Variants in AADACL2 observed in about 807,000 individuals in gnomAD.
The protein encoded by AADACL2 is arylacetamide deacetylase like 2, also known as arylacetamide deacetylase-like 2.
AADACL2 carries 23 observed loss-of-function variants against 22.3 expected under a neutral mutation model. The ratio of observed to expected loss-of-function variants is 1.03; its 90% confidence interval spans 0.74 to 1.46. AADACL2 has a LOEUF of 1.46. Ranked by LOEUF, AADACL2 falls within the 40% of genes most tolerant of loss-of-function variation. AADACL2 has a pLI of 0.00. For missense variants in AADACL2, 472 were observed against 482.9 expected (o/e 0.98, Z 0.21); for synonymous variants, 177 against 166.2 (o/e 1.07, Z -0.50).
chr3:151,738,984 A>T (rs553743152), intron 1 of AADACL2, among the ~76,000 whole-genome samples: 1 of 152,272 alleles, frequency 6.6e-6, no homozygotes, highest in South Asian at 2.1e-4. Context: ...CCATCTTCTG[A>T]GTCCTACTTC....
intron 4 of AADACL2, among the ~76,000 whole-genome samples, chr3:151,754,172 C>T (rs1429750668): frequency 6.6e-6 from 1 of 152,094 alleles, no homozygotes; most frequent in African/African-American, 2.4e-5. Flanking sequence ...CCAATTCATG[C>T]TGTCCAGGAG....
chr3:151,751,404 A>G (rs1382039507), intron 4 of AADACL2: 1 of 152,198 alleles, frequency 6.6e-6, no homozygotes, highest in East Asian at 1.9e-4. Context: ...TGTAGCAAGC[A>G]TAACTGAAAC....
chr3:151,740,529 G>A lies in AADACL2; in HGVS notation c.139-117G>A, dbSNP rs971667071. On this transcript the variant is annotated intron_variant, in intron 1 of 4. Coordinates refer to ENST00000356517, the MANE Select transcript of AADACL2 (RefSeq NM_207365.4). ...TATTTGGAAATAATATTTTTAAATAGTCTATTTCTTTTTGTTTACCTTGCT... is the reference window on the plus strand; with the variant it reads ...TATTTGGAAATAATATTTTTAAATAATCTATTTCTTTTTGTTTACCTTGCT... 1.1e-5 allele frequency: 7 copies of A among 658,946 alleles called. No individual in the cohort carries two copies. The African/African-American group carries it at 1.3e-4, about 12-fold the overall frequency. 40.8% of individuals were successfully genotyped at this position (658,946 alleles called of 1,614,324 possible).
Position 151,734,041 on chromosome 3 carries a change from GC to G in AADACL2, c.7del (p.Leu3Ter). 1 of 1,608,994 alleles carries G rather than the reference GC, an allele frequency of 6.2e-7. No individual in the cohort carries two copies. Among genetic ancestry groups the G allele is most frequent in the Non-Finnish European group, 8.5e-7 (1 of 1,177,206 alleles). MG[L>X]KALCLGLLCV... ...AAGCTGGAAAAAGGGATATTATGGG[GC>G]TAAAAGCTCTCTGTTTGGGGCTGCT... On this transcript the variant is annotated frameshift_variant, in exon 1 of 5. Transcript: ENST00000356517. LOFTEE classifies it high-confidence loss of function.
intron 4 of AADACL2, among the ~76,000 whole-genome samples, chr3:151,747,322 T>C (rs534716688): frequency 6.6e-6 from 1 of 152,100 alleles, no homozygotes; most frequent in African/African-American, 2.4e-5. Context: ...GCACTTAATA[T>C]TAGATCTCCA....
At position 151,757,748 on chromosome 3, in the gene AADACL2, T is replaced by A; in HGVS notation, c.*154T>A. ...TGTGTCCTTGAAGAGTTATTAAATTTTCTGACTTGCAGACCCTGAATATGT... is the reference window on the plus strand; with the variant it reads ...TGTGTCCTTGAAGAGTTATTAAATTATCTGACTTGCAGACCCTGAATATGT... On this transcript the variant is annotated 3_prime_UTR_variant, in exon 5 of 5. Transcript: ENST00000356517. The A allele has an allele frequency of 1.1e-6, 1 of 929,402 alleles. No individual in the cohort carries two copies. The highest frequency in any genetic ancestry group is 1.5e-6 in the Non-Finnish European group (1 of 652,942). The allele number at this position is 929,402 out of a possible 1,614,324, so 57.6% of individuals were successfully genotyped here.
In AADACL2 at chr3:151,757,289, A is replaced by T; in HGVS notation, c.901A>T (p.Ile301Phe). Residue 301 changes from isoleucine to phenylalanine, a missense_variant, in exon 5 of 5, where the codon ATT becomes TTT. Ile to Phe is a conservative substitution (Grantham distance 21). Around this residue, in one of 3 missense-constraint regions of AADACL2, gnomAD observed 356 missense variants for 365.5 expected, o/e 0.97. Transcript: ENST00000356517. The part of the protein sequence containing the change: ...YRKDYVYTEP[I>F]LGGLSYSLPG... ...AAAAGACTATGTATATACTGAACCA[A>T]TTCTTGGAGGACTTAGTTATTCATT... 2 of 1,613,770 alleles carry T rather than the reference A, an allele frequency of 1.2e-6. No homozygotes were observed.
At chr3:151,735,592 T>C (rs1713061341) in intron 1 of AADACL2, among the ~76,000 whole-genome samples, 1 of 152,198 alleles carries the variant, frequency 6.6e-6, no homozygotes, top group Non-Finnish European at 1.5e-5. Context: ...ACCCCATCTC[T>C]ACTAAAAATA....
chr3:151,740,982 CTGGATA>C lies in AADACL2; in HGVS notation c.361+121_361+126del, dbSNP rs559930434. ...TACATACATCTATATATATACTTGT[CTGGATA>C]TGGATAAGTATAGATATAAATATGA... On this transcript the variant is annotated intron_variant, in intron 2 of 4. Coordinates refer to ENST00000356517, the MANE Select transcript of AADACL2 (RefSeq NM_207365.4). 86 of 816,294 alleles carry C rather than the reference CTGGATA, an allele frequency of 1.1e-4. 1 individual carries two copies. In the East Asian group the frequency reaches 1.6e-3, roughly 15 times the overall value. The allele number at this position is 816,294 out of a possible 1,614,324, so 50.6% of individuals were successfully genotyped here. A position where few individuals can be genotyped will look rare whatever the true frequency, so the allele number is the denominator to read the frequency against.
intron 2 of AADACL2, among the ~76,000 whole-genome samples, chr3:151,741,322 T>C (rs1485676524): frequency 6.6e-6 from 1 of 152,142 alleles, no homozygotes; most frequent in African/African-American, 2.4e-5. Flanking sequence ...AATGCAGTTG[T>C]TAGTATTGAC....
chr3:151,740,503 T>C, intron 1 of AADACL2, 143 bp from the exon 2 acceptor site: 1 of 608,546 alleles, frequency 1.6e-6, no homozygotes, highest in Non-Finnish European at 2.7e-6. Flanking sequence ...CTTTACAGTA[T>C]TATTTGGAAA....
In AADACL2 at chr3:151,759,641, A is replaced by C. The variant is rs1257352528; in HGVS notation, c.*2047A>C. 6.6e-6 allele frequency: 1 copy of C among 152,266 alleles called. No individual in the cohort carries two copies. Among genetic ancestry groups the C allele is most frequent in the East Asian group, 1.9e-4 (1 of 5,198 alleles). 9.4% of individuals were successfully genotyped at this position (152,266 alleles called of 1,614,324 possible). A position where few individuals can be genotyped will look rare whatever the true frequency, so the allele number is the denominator to read the frequency against. ...CTACATAAGTATGTGGTAGAAATGTATGCTAAGGTAGGCCAGTCAATCCTT... is the reference window on the plus strand; with the variant it reads ...CTACATAAGTATGTGGTAGAAATGTCTGCTAAGGTAGGCCAGTCAATCCTT... On this transcript the variant is annotated 3_prime_UTR_variant, in exon 5 of 5. Coordinates refer to ENST00000356517, the MANE Select transcript of AADACL2 (RefSeq NM_207365.4).
At chr3:151,734,846 C>T (rs769899070) in intron 1 of AADACL2, among the ~76,000 whole-genome samples, 3 of 152,144 alleles carry the variant, frequency 2.0e-5, no homozygotes, top group Admixed American at 6.6e-5. Flanking sequence ...TTGAGAAGAA[C>T]ATATGCAGGT....
At chr3:151,744,994 T>C (rs1014056870) in intron 3 of AADACL2, among the ~76,000 whole-genome samples, 2 of 152,120 alleles carry the variant, frequency 1.3e-5, no homozygotes, top group African/African-American at 4.8e-5. Context: ...AAATTTTATT[T>C]ATATATCAAA....
At position 151,759,719 on chromosome 3, in the gene AADACL2, G is replaced by A. The variant is rs534465334; in HGVS notation, c.*2125G>A. 1 of 152,114 alleles carries A rather than the reference G, an allele frequency of 6.6e-6. No individual in the cohort carries two copies. Among genetic ancestry groups the A allele is most frequent in the Non-Finnish European group, 1.5e-5 (1 of 67,992 alleles). 9.4% of individuals were successfully genotyped at this position (152,114 alleles called of 1,614,324 possible). A position where few individuals can be genotyped will look rare whatever the true frequency, so the allele number is the denominator to read the frequency against. ...AGAATATTTCTGGAAGGAACCACAG[G>A]TAGACTAGCTTCCATTGCAGTCCCT... On this transcript the variant is annotated 3_prime_UTR_variant, in exon 5 of 5. Coordinates refer to ENST00000356517, the MANE Select transcript of AADACL2 (RefSeq NM_207365.4).
chr3:151,746,275 A>G (rs1432936641), intron 4 of AADACL2, among the ~76,000 whole-genome samples: 2 of 151,660 alleles, frequency 1.3e-5, no homozygotes, highest in Non-Finnish European at 2.9e-5. Context: ...TTTCTATGCT[A>G]TATAGAAATA....
At chr3:151,745,313 TG>T (rs1462348497) in intron 3 of AADACL2, among the ~76,000 whole-genome samples, 195 bp from the exon 4 acceptor site, 1 of 152,200 alleles carries the variant, frequency 6.6e-6, no homozygotes, top group Non-Finnish European at 1.5e-5. Context: ...ATTCCATTCA[TG>T]GATTTTAGGT....
At chr3:151,753,416 C>G (rs1004261931) in intron 4 of AADACL2, among the ~76,000 whole-genome samples, 2 of 152,076 alleles carry the variant, frequency 1.3e-5, no homozygotes, top group Non-Finnish European at 2.9e-5. Context: ...GGACTCTAGC[C>G]CATGTGGGAG....
At chr3:151,740,364 G>A (rs747160461) in intron 1 of AADACL2, among the ~76,000 whole-genome samples, 46 of 152,324 alleles carry the variant, frequency 3.0e-4, no homozygotes, top group Non-Finnish European at 5.4e-4. Flanking sequence ...GGGTACCTCA[G>A]TTGGAAATGC....
Sources: gnomAD v4.1 joint callset for allele counts (sites outside exome capture counted in the v4.1 genomes callset) on GRCh38, gnomAD v4.1.1 for gene constraint, gnomAD v4.1.1 regional missense constraint, MANE v1.5 for transcripts, NCBI Gene and HGNC (gene_info 2026-07-23, HGNC 2026-07-21) for gene names.